Variants in MTUS1 observed in about 807,000 individuals in gnomAD.
MTUS1 encodes microtubule associated scaffold protein 1, also known as microtubule-associated tumor suppressor 1.
In MTUS1, 109 loss-of-function variants were observed where a neutral mutation model predicts 120.8. The ratio of observed to expected loss-of-function variants is 0.90; its 90% CI spans 0.77 to 1.06. The LOEUF (loss-of-function observed/expected upper bound fraction) is 1.06. Among genes scored for constraint, MTUS1 ranks in the 50% least tolerant of loss-of-function variants. The pLI, the probability that MTUS1 is intolerant of heterozygous loss-of-function variation, is 0.00. For missense variants in MTUS1, 2,210 were observed against 1,486.3 expected, an observed-to-expected ratio of 1.49 and a Z score of -8.01; for synonymous variants, 737 against 550.5, an observed-to-expected ratio of 1.34 and a Z score of -4.74.
chr8:17,751,567 A>AG (rs1491259114), intron 2 of MTUS1, among the ~76,000 whole-genome samples: 2 of 15,868 alleles, frequency 1.3e-4, no homozygotes, highest in South Asian at 6.1e-3. Context: ...CATGATCGTG[A>AG]AAAAAGAGTA....
chr8:17,687,023 G>T (rs894917997), intron 6 of MTUS1, among the ~76,000 whole-genome samples: 1 of 152,080 alleles, frequency 6.6e-6, no homozygotes, highest in African/African-American at 2.4e-5. Flanking sequence ...TTTTTCCTTG[G>T]GGAAACTACA....
Position 17,654,597 on chromosome 8 carries a change from C to T in MTUS1, c.3178G>A (p.Glu1060Lys). 1 of 1,614,106 alleles carries T rather than the reference C, an allele frequency of 6.2e-7. No homozygotes were observed. The highest frequency in any genetic ancestry group is 8.5e-7 in the Non-Finnish European group (1 of 1,179,924). Reference protein sequence around the residue: ...EIEASHSEKLELLKKAYEASL... With the variant: ...EIEASHSEKLKLLKKAYEASL... The stretch of plus-strand genomic sequence containing the variant: ...GCTTCATAGGCCTTCTTTAGCAATT[C>T]AAGTTTCTCTGAGTGGCTAGCTTCA... The change falls in exon 10 of 15, where the codon GAA (glutamate) becomes AAA (lysine). Residue 1060 changes from glutamate (E) to lysine (K), a missense_variant. Glu to Lys is a moderately conservative substitution (Grantham distance 56). Coordinates refer to ENST00000693296, the MANE Select transcript of MTUS1 (RefSeq NM_001363059.2).
chr8:17,711,464 C>G (rs1362591182), intron 6 of MTUS1, among the ~76,000 whole-genome samples: 1 of 147,000 alleles, frequency 6.8e-6, no homozygotes, highest in African/African-American at 2.5e-5. Context: ...TTTTTTTTTT[C>G]TGCAGCTCCC....
Position 17,746,242 on chromosome 8 carries a change from G to A in MTUS1, c.2092-2443C>T, listed in dbSNP as rs941242629. ...TCTTGGCTGCTGTTTCAATTGCCAC[G>A]TGTACACTGGTACATCCAAATCCAC... On this transcript the variant is annotated intron_variant, in intron 2 of 14. Coordinates refer to ENST00000693296, the MANE Select transcript of MTUS1 (RefSeq NM_001363059.2). 4.6e-5 allele frequency among the ~76,000 whole-genome samples: 7 copies of A among 152,082 alleles called. No individual in the cohort carries two copies. The East Asian group carries it at 5.8e-4, about 13-fold the overall frequency.
chr8:17,796,663 G>T (rs1274061830), intron 1 of MTUS1, among the ~76,000 whole-genome samples: 2 of 152,168 alleles, frequency 1.3e-5, no homozygotes, highest in African/African-American at 4.8e-5. Context: ...AAGGCCAAGT[G>T]AGCAAGAAAA....
intron 8 of MTUS1, among the ~76,000 whole-genome samples, chr8:17,670,747 C>T (rs1379366133): frequency 2.0e-5 from 3 of 151,916 alleles, no homozygotes; most frequent in Admixed American, 2.0e-4. Context: ...TGCTTGAACC[C>T]GGAAGGCAGA....
chr8:17,692,426 G>A (rs767061157), intron 6 of MTUS1, among the ~76,000 whole-genome samples: 1 of 152,026 alleles, frequency 6.6e-6, no homozygotes. Flanking sequence ...TTCCTGACAC[G>A]GCAGAGCCAC....
At position 17,773,611 on chromosome 8, in the gene MTUS1, T is replaced by A. The variant is rs143963544; in HGVS notation, c.-154-17650A>T. Among the ~76,000 whole-genome samples, 8 of 152,264 alleles carry A rather than the reference T, an allele frequency of 5.3e-5. No individual in the cohort carries two copies. The East Asian group carries it at 1.3e-3, about 26-fold the overall frequency. On this transcript the variant is annotated intron_variant, in intron 1 of 14. Transcript: ENST00000693296. The stretch of plus-strand genomic sequence containing the variant: ...TCATAACATGGAGAAGGGCATCACA[T>A]AGTGAGACAGTAAGAGCCTGCCAGC...
At chr8:17,705,825 G>C (rs191708908) in intron 6 of MTUS1, 1 of 152,384 alleles carries the variant, frequency 6.6e-6, no homozygotes, top group East Asian at 1.9e-4. Context: ...TCTGGCACCT[G>C]AGAGTGATGA....
At chr8:17,690,931 C>T (rs1454411474) in intron 6 of MTUS1, among the ~76,000 whole-genome samples, 2 of 152,044 alleles carry the variant, frequency 1.3e-5, no homozygotes, top group Non-Finnish European at 2.9e-5. Context: ...AAATAATATG[C>T]ATATACTATT....
intron 14 of MTUS1, 90 bp from the exon 15 acceptor site, chr8:17,646,229 A>G (rs1805765024): frequency 7.6e-7 from 1 of 1,321,764 alleles, no homozygotes. Context: ...TTTAAAGTCC[A>G]AAATTATTCC....
At chr8:17,758,631 G>C (rs1331372882) in intron 1 of MTUS1, among the ~76,000 whole-genome samples, 1 of 152,142 alleles carries the variant, frequency 6.6e-6, no homozygotes, top group East Asian at 1.9e-4. Context: ...ATTTCCAAAA[G>C]CACTAAATAT....
intron 8 of MTUS1, among the ~76,000 whole-genome samples, chr8:17,663,684 C>T (rs1459354792): frequency 6.6e-6 from 1 of 152,162 alleles, no homozygotes; most frequent in Non-Finnish European, 1.5e-5. Context: ...CAACCTCGGC[C>T]TCCCAGGTTT....
chr8:17,770,267 G>T (rs2049927656), intron 1 of MTUS1, among the ~76,000 whole-genome samples: 1 of 152,092 alleles, frequency 6.6e-6, no homozygotes, highest in Non-Finnish European at 1.5e-5. Flanking sequence ...AATTTAGCCT[G>T]AAGTAGGGGT....
chr8:17,664,423 G>C (rs981810240), intron 8 of MTUS1, among the ~76,000 whole-genome samples: 2 of 151,798 alleles, frequency 1.3e-5, no homozygotes, highest in African/African-American at 2.4e-5. Context: ...CAGACGCTCT[G>C]GCCAGCCTGC....
In MTUS1 at chr8:17,655,955, G is replaced by C; in HGVS notation, c.3016C>G (p.Arg1006Gly). Residue 1006 changes from arginine (R) to glycine (G), a missense_variant, in exon 9 of 15, where the codon CGG becomes GGG. Arg to Gly is a moderately radical substitution (Grantham distance 125). Transcript: ENST00000693296. Reference sequence around the variant, plus strand: ...TCCCTGGTGTAAAACTCTTTAAGCCGATTCTCTCGTTCTGTTTTTTCAGCC... The same window carrying C: ...TCCCTGGTGTAAAACTCTTTAAGCCCATTCTCTCGTTCTGTTTTTTCAGCC... ...HQAEKTEREN[R>G]LKEFYTREYE... 2 of 1,614,154 alleles carry C rather than the reference G, an allele frequency of 1.2e-6. No individual in the cohort carries two copies. The highest frequency in any genetic ancestry group is 1.7e-6 in the Non-Finnish European group (2 of 1,180,018).
At chr8:17,733,638 T>C (rs2046743352) in intron 3 of MTUS1, among the ~76,000 whole-genome samples, 1 of 152,148 alleles carries the variant, frequency 6.6e-6, no homozygotes, top group Non-Finnish European at 1.5e-5. Flanking sequence ...GGGCCCCGCA[T>C]CCCTTTCTTG....
chr8:17,711,897 A>G (rs919466551), intron 6 of MTUS1, among the ~76,000 whole-genome samples: 2 of 152,198 alleles, frequency 1.3e-5, no homozygotes, highest in Admixed American at 6.5e-5. Flanking sequence ...GACCAAGAAA[A>G]GGGAGAGAGA....
In MTUS1 at chr8:17,754,938, T is replaced by C. The variant is rs2048485493; in HGVS notation, c.870A>G (p.Gln290=). 4 of 1,614,154 alleles carry C rather than the reference T, an allele frequency of 2.5e-6. No homozygotes were observed. Among genetic ancestry groups the C allele is most frequent in the African/African-American group, 1.3e-5 (1 of 75,058 alleles). Residue 290 remains glutamine, a synonymous_variant, in exon 2 of 15, where the codon CAA becomes CAG. Transcript: ENST00000693296. The part of the protein sequence containing the change: ...QQRLVGEKET[Q]ALTPVSDGME... Reference sequence around the variant, plus strand: ...TGCCATCAGAAACTGGTGTTAGTGCTTGTGTCTCCTTTTCTCCAACTAGTC... The same window carrying C: ...TGCCATCAGAAACTGGTGTTAGTGCCTGTGTCTCCTTTTCTCCAACTAGTC...
Sources: allele counts gnomAD v4.1 joint callset (sites outside exome capture counted in the v4.1 genomes callset), GRCh38; gene constraint gnomAD v4.1.1; transcripts MANE v1.5; gene names NCBI Gene and HGNC (gene_info 2026-07-23, HGNC 2026-07-21).